The following DMXL1 variants were observed in gnomAD, a reference collection of about 807,000 sequenced individuals.
DMXL1 encodes the protein dmX-like protein 1.
DMXL1 carries 99 observed loss-of-function variants against 319.2 expected under a neutral mutation model. The ratio of observed to expected loss-of-function variants is 0.31; its 90% CI spans 0.26 to 0.37. The LOEUF (loss-of-function observed/expected upper bound fraction) is 0.37, where lower values mean the gene tolerates loss of function less well. DMXL1 is among the 10% of genes least tolerant of loss of function. DMXL1 has a pLI of 1.00. For missense variants in DMXL1, 3,745 were observed against 3,595.6 expected, an observed-to-expected ratio of 1.04 and a Z score of -1.06; for synonymous variants, 1,385 against 1,235.2, an observed-to-expected ratio of 1.12 and a Z score of -2.54.
chr5:119,150,132 A>C lies in DMXL1; in HGVS notation c.4305A>C (p.Ser1435=), dbSNP rs746816386. Residue 1435 remains serine, a synonymous_variant, in exon 18 of 44, where the codon TCA becomes TCC. Coordinates refer to ENST00000539542, the MANE Select transcript of DMXL1 (RefSeq NM_001290321.3). ...GTAATGAGAGTACGTTAAGTAAATC[A>C]AACCAATTATCTAAAGAAAGTTATG... The part of the protein sequence containing the change: ...KSSNESTLSK[S]NQLSKESYDE... 1 of 1,613,710 alleles carries C rather than the reference A, an allele frequency of 6.2e-7. No homozygotes were observed.
intron 1 of DMXL1, among the ~76,000 whole-genome samples, chr5:119,088,401 C>G (rs1182947623): frequency 2.0e-5 from 3 of 152,068 alleles, no homozygotes; most frequent in Non-Finnish European, 2.9e-5. Context: ...TTCATTTATT[C>G]AGCCACTCTG....
At chr5:119,229,901 A>T (rs963472828) in intron 38 of DMXL1, among the ~76,000 whole-genome samples, 1 of 152,184 alleles carries the variant, frequency 6.6e-6, no homozygotes, top group African/African-American at 2.4e-5. Flanking sequence ...CACCTTTACT[A>T]ACAGACCCAA....
intron 26 of DMXL1, 55 bp from the exon 27 acceptor site, chr5:119,177,302 A>T (rs538688123): frequency 2.4e-6 from 3 of 1,252,536 alleles, no homozygotes; most frequent in East Asian, 5.4e-5. Flanking sequence ...GATCTGAAAC[A>T]TGAAAATATT....
At chr5:119,114,040 C>T (rs2149875531) in intron 5 of DMXL1, among the ~76,000 whole-genome samples, 1 of 152,244 alleles carries the variant, frequency 6.6e-6, no homozygotes, top group East Asian at 1.9e-4. Flanking sequence ...AGGCTGAATT[C>T]CTAATTGTTG....
chr5:119,096,132 G>A (rs972572577), intron 1 of DMXL1, among the ~76,000 whole-genome samples: 3 of 151,454 alleles, frequency 2.0e-5, no homozygotes, highest in Non-Finnish European at 4.4e-5. Context: ...AGAGTATACA[G>A]AATAATTTTG....
chr5:119,084,510 A>G (rs941963986), intron 1 of DMXL1, among the ~76,000 whole-genome samples: 5 of 151,916 alleles, frequency 3.3e-5, no homozygotes, highest in East Asian at 1.9e-4. Context: ...ATTTTTTTCT[A>G]TTTCTTTGAA....
Position 119,086,142 on chromosome 5 carries a change from C to T in DMXL1, c.88-11837C>T, listed in dbSNP as rs1010156827. ...AAGGTGAAAGGCACATCTCACATGG[C>T]AATGGCAAGAGAGAGAATGAGAGCC... On this transcript the variant is annotated intron_variant, in intron 1 of 43. Coordinates refer to ENST00000539542, the MANE Select transcript of DMXL1 (RefSeq NM_001290321.3). 5.3e-5 allele frequency among the ~76,000 whole-genome samples: 8 copies of T among 152,286 alleles called. No homozygotes were observed. In the South Asian group the frequency reaches 1.5e-3, roughly 28 times the overall value.
At chr5:119,127,285 C>G (rs1022551072) in intron 9 of DMXL1, 1 of 222,902 alleles carries the variant, frequency 4.5e-6, no homozygotes, top group Non-Finnish European at 9.5e-6. Context: ...CTCTGACTCT[C>G]TTGCCATTAA....
At chr5:119,194,457 G>A (rs942015507) in intron 30 of DMXL1, among the ~76,000 whole-genome samples, 3 of 152,112 alleles carry the variant, frequency 2.0e-5, no homozygotes, top group African/African-American at 7.2e-5. Context: ...CCAATACTGC[G>A]TTATTCTTAC....
chr5:119,094,860 T>A (rs1423545179), intron 1 of DMXL1, among the ~76,000 whole-genome samples: 3 of 151,936 alleles, frequency 2.0e-5, no homozygotes, highest in Non-Finnish European at 4.4e-5. Flanking sequence ...TCTTTTTTTT[T>A]TTTTTTTTTA....
chr5:119,107,923 C>G (rs1185890005), intron 4 of DMXL1, among the ~76,000 whole-genome samples: 1 of 152,098 alleles, frequency 6.6e-6, no homozygotes, highest in Non-Finnish European at 1.5e-5. Context: ...GTATTTAAAC[C>G]TCAAATTTTA....
chr5:119,099,845 TAAGTA>T (rs962126174), intron 2 of DMXL1, among the ~76,000 whole-genome samples: 3 of 151,894 alleles, frequency 2.0e-5, no homozygotes, highest in Admixed American at 1.3e-4. Flanking sequence ...ATAAAAATAA[TAAGTA>T]AATAGCCGGA....
At chr5:119,126,361 T>A (rs944204457) in intron 9 of DMXL1, among the ~76,000 whole-genome samples, 2 of 152,200 alleles carry the variant, frequency 1.3e-5, no homozygotes, top group Non-Finnish European at 2.9e-5. Context: ...ATTATAATTA[T>A]CAAAAAAGTT....
In DMXL1 at chr5:119,203,443, A is replaced by G. The variant is rs188625394; in HGVS notation, c.7863+7A>G. On this transcript the variant is annotated splice_region_variant and intron_variant, in intron 33 of 43. Coordinates refer to ENST00000539542, the MANE Select transcript of DMXL1 (RefSeq NM_001290321.3). ...GAAACGGTGTCTAAATGAGGTCTGT[A>G]TAAGTTAAAACCTGTTTACTATTTT... The G allele has an allele frequency of 4.0e-6, 6 of 1,510,012 alleles. No homozygotes were observed. The highest frequency in any genetic ancestry group is 1.9e-5 in the Admixed American group (1 of 52,662). The allele number at this position is 1,510,012 out of a possible 1,614,324, so 93.5% of individuals were successfully genotyped here. A position where few individuals can be genotyped will look rare whatever the true frequency, so the allele number is the denominator to read the frequency against.
intron 6 of DMXL1, 59 bp from the exon 7 acceptor site, chr5:119,116,097 ATT>A: frequency 6.8e-7 from 1 of 1,470,510 alleles, no homozygotes; most frequent in South Asian, 1.3e-5. Flanking sequence ...TACTTTTGCT[ATT>A]TGATTTAATC....
intron 28 of DMXL1, among the ~76,000 whole-genome samples, chr5:119,180,136 G>C (rs1369256559): frequency 6.6e-6 from 1 of 152,148 alleles, no homozygotes; most frequent in Non-Finnish European, 1.5e-5. Flanking sequence ...ATTTGGAATA[G>C]AATATTTGCC....
In DMXL1 at chr5:119,193,691, G is replaced by A; in HGVS notation, c.7315-137G>A. On this transcript the variant is annotated intron_variant, in intron 29 of 43. Transcript: ENST00000539542. ...GTATCAATTGATGTCAAAGGCATAG[G>A]ATGGTAAGATAATAGTTACTTAACT... is the stretch of plus-strand genomic sequence containing the variant. 4.7e-6 allele frequency: 4 copies of A among 852,444 alleles called. No individual in the cohort carries two copies. The South Asian group carries it at 5.0e-5, about 11-fold the overall frequency. The allele number at this position is 852,444 out of a possible 1,614,324, so 52.8% of individuals were successfully genotyped here. A position where few individuals can be genotyped will look rare whatever the true frequency, so the allele number is the denominator to read the frequency against.
intron 39 of DMXL1, 72 bp from the exon 40 acceptor site, chr5:119,237,248 TCA>T (rs1262411598): frequency 2.4e-6 from 2 of 831,204 alleles, no homozygotes; most frequent in Non-Finnish European, 3.7e-6. Context: ...AATATGGGTG[TCA>T]CACTGAGGGT....
rs539739421 is a variant in DMXL1 at position 119,142,752 on chromosome 5, C to G, written c.2377-1089C>G. On this transcript the variant is annotated intron_variant, in intron 13 of 43. Transcript: ENST00000539542. ...ACATGCAGGCAAATGTTCATTGCAG[C>G]ATTATTCACAATAGCAAAGACATAG... Among the ~76,000 whole-genome samples the G allele has an allele frequency of 2.0e-5, 3 of 152,148 alleles. No homozygotes were observed. In the South Asian group the frequency reaches 6.2e-4, roughly 31 times the overall value.
Sources: gnomAD v4.1 joint callset for allele counts (sites outside exome capture counted in the v4.1 genomes callset) on GRCh38, gnomAD v4.1.1 for gene constraint, MANE v1.5 for transcripts, NCBI Gene and HGNC (gene_info 2026-07-23, HGNC 2026-07-21) for gene names.